The following CTNNA3 variants were observed in gnomAD, a reference collection of about 807,000 sequenced individuals.
The protein encoded by CTNNA3 is catenin alpha-3.
Under a neutral mutation model 95.7 loss-of-function variants are expected in CTNNA3, and 76 were observed. The observed-to-expected ratio is 0.79, with a 90% CI of 0.66 to 0.96. The LOEUF (loss-of-function observed/expected upper bound fraction) is 0.96. Ranked by LOEUF, CTNNA3 falls within the 40% of genes least tolerant of loss-of-function variation. The pLI, the probability that CTNNA3 is intolerant of heterozygous loss-of-function variation, is 0.00. For missense variants in CTNNA3, 1,191 were observed against 1,089.8 expected, an observed-to-expected ratio of 1.09 and a Z score of -1.31; for synonymous variants, 431 against 374.4, an observed-to-expected ratio of 1.15 and a Z score of -1.74.
At chr10:66,394,550 T>TAAAAAA (rs71035137) in intron 11 of CTNNA3, among the ~76,000 whole-genome samples, 3 of 128,154 alleles carry the variant, frequency 2.3e-5, no homozygotes, top group South Asian at 2.4e-4. Flanking sequence ...AGCACTGGGT[T>TAAAAAA]AAAAAAAAAA....
In CTNNA3 at chr10:67,408,379, C is replaced by T. The variant is rs567323800; in HGVS notation, c.579+113463G>A. The stretch of plus-strand genomic sequence containing the variant: ...ACCCAAACAGCACAGTACTGGTACA[C>T]GAACAGACACATAGACCAATGGAAC... On this transcript the variant is annotated intron_variant, in intron 5 of 17. Transcript: ENST00000433211. Among the ~76,000 whole-genome samples, 5 of 151,896 alleles carry T rather than the reference C, an allele frequency of 3.3e-5. No individual in the cohort carries two copies. In the East Asian group the frequency reaches 5.8e-4, roughly 18 times the overall value.
At chr10:67,376,423 A>ATCC (rs1221621514) in intron 5 of CTNNA3, among the ~76,000 whole-genome samples, 1 of 152,210 alleles carries the variant, frequency 6.6e-6, no homozygotes, top group Non-Finnish European at 1.5e-5. Context: ...TATAGTCAAT[A>ATCC]TCCTCTCACA....
intron 11 of CTNNA3, among the ~76,000 whole-genome samples, chr10:66,421,708 C>T (rs1394920547): frequency 2.0e-5 from 3 of 150,592 alleles, no homozygotes; most frequent in Non-Finnish European, 4.4e-5. Context: ...TGGTGGTGCA[C>T]GCCTGTAGTC....
intron 7 of CTNNA3, among the ~76,000 whole-genome samples, chr10:67,118,760 C>T (rs1353142279): frequency 2.0e-5 from 3 of 151,778 alleles, no homozygotes; most frequent in South Asian, 2.1e-4. Flanking sequence ...CATGTCTCCC[C>T]TCTCATGAAC....
intron 1 of CTNNA3, among the ~76,000 whole-genome samples, chr10:67,740,153 T>C (rs7920999): frequency 0.44 from 66,883 of 151,776 alleles, 18,175 homozygotes; most frequent in African/African-American, 0.78. Context: ...ATACAAAAAT[T>C]AATTCAAGAT....
At chr10:66,808,987 C>T (rs2132257151) in intron 7 of CTNNA3, among the ~76,000 whole-genome samples, 1 of 152,210 alleles carries the variant, frequency 6.6e-6, no homozygotes. Flanking sequence ...GAATGTTATA[C>T]CTTGGGCTGT....
chr10:67,223,682 G>A (rs1051816302), intron 5 of CTNNA3, among the ~76,000 whole-genome samples: 1 of 152,184 alleles, frequency 6.6e-6, no homozygotes, highest in Non-Finnish European at 1.5e-5. Flanking sequence ...AAAAATACAA[G>A]TGGAGGGCTT....
intron 11 of CTNNA3, among the ~76,000 whole-genome samples, chr10:66,518,301 G>A (rs1840934239): frequency 6.6e-6 from 1 of 152,068 alleles, no homozygotes; most frequent in South Asian, 2.1e-4. Context: ...CTCTAATCAT[G>A]CAAAGATTGG....
At chr10:67,408,665 C>T (rs1312615378) in intron 5 of CTNNA3, among the ~76,000 whole-genome samples, 1 of 152,112 alleles carries the variant, frequency 6.6e-6, no homozygotes, top group Non-Finnish European at 1.5e-5. Context: ...CTATTCAGGA[C>T]ATAGGCACAG....
At chr10:66,928,093 C>T in intron 7 of CTNNA3, 1 of 1,614,064 alleles carries the variant, frequency 6.2e-7, no homozygotes, top group Non-Finnish European at 8.5e-7. Flanking sequence ...TGAGAGCAAA[C>T]CCCCTTTGCC....
chr10:67,285,651 GAAA>G (rs1564535558), intron 5 of CTNNA3, among the ~76,000 whole-genome samples: 1 of 152,114 alleles, frequency 6.6e-6, no homozygotes, highest in Non-Finnish European at 1.5e-5. Context: ...ACATAGAAAG[GAAA>G]AGAGAAAATC....
chr10:67,191,869 A>G (rs1863135076), intron 6 of CTNNA3, among the ~76,000 whole-genome samples: 1 of 152,002 alleles, frequency 6.6e-6, no homozygotes, highest in African/African-American at 2.4e-5. Context: ...CAATCAAAAC[A>G]GTATAGTACT....
chr10:67,590,820 T>C (rs1268390493), intron 3 of CTNNA3, among the ~76,000 whole-genome samples: 1 of 152,126 alleles, frequency 6.6e-6, no homozygotes. Context: ...AGTGTATCTT[T>C]CCATTTTCTT....
At position 67,638,821 on chromosome 10, in the gene CTNNA3, A is replaced by G. The variant is rs145756123; in HGVS notation, c.99+8594T>C. On this transcript the variant is annotated intron_variant, in intron 2 of 17. Coordinates refer to ENST00000433211, the MANE Select transcript of CTNNA3 (RefSeq NM_013266.4). Reference sequence around the variant, plus strand: ...GTTCTTTGAAACCAATGAGAACAAGATACAACATACCAGAATCTCTGCGAC... The same window carrying G: ...GTTCTTTGAAACCAATGAGAACAAGGTACAACATACCAGAATCTCTGCGAC... Among the ~76,000 whole-genome samples the G allele has an allele frequency of 4.8e-4, 73 of 152,282 alleles. No homozygotes were observed. The East Asian group carries it at 0.013, about 26-fold the overall frequency.
At chr10:67,198,278 T>G (rs558946820) in intron 6 of CTNNA3, among the ~76,000 whole-genome samples, 1 of 152,288 alleles carries the variant, frequency 6.6e-6, no homozygotes, top group East Asian at 1.9e-4. Flanking sequence ...TTAAAAGCAC[T>G]ATTTCCCTAA....
intron 7 of CTNNA3, among the ~76,000 whole-genome samples, chr10:67,078,357 T>C (rs1436688275): frequency 6.6e-6 from 1 of 152,158 alleles, no homozygotes; most frequent in African/African-American, 2.4e-5. Context: ...CTAAAGTTTA[T>C]GTGTGTGAAT....
chr10:66,425,546 C>T (rs751265005), intron 11 of CTNNA3, among the ~76,000 whole-genome samples: 2 of 151,946 alleles, frequency 1.3e-5, no homozygotes, highest in African/African-American at 2.4e-5. Context: ...CTAAATAAGA[C>T]AAGAATCTTA....
chr10:66,785,780 C>T (rs1840716352), intron 7 of CTNNA3, among the ~76,000 whole-genome samples: 3 of 152,092 alleles, frequency 2.0e-5, no homozygotes. Context: ...GTATCCTATT[C>T]GTTCTGTTTA....
chr10:67,520,611 A>C (rs1589384607), intron 5 of CTNNA3, among the ~76,000 whole-genome samples: 1 of 152,198 alleles, frequency 6.6e-6, no homozygotes, highest in African/African-American at 2.4e-5. Flanking sequence ...TTTTAAAAAA[A>C]CAAAACTTAA....
Sources: gnomAD v4.1 joint callset for allele counts (sites outside exome capture counted in the v4.1 genomes callset) on GRCh38, gnomAD v4.1.1 for gene constraint, MANE v1.5 for transcripts, NCBI Gene and HGNC (gene_info 2026-07-23, HGNC 2026-07-21) for gene names.